Variants in CFAP299 observed in about 807,000 individuals in gnomAD.
The protein encoded by CFAP299 is cilia- and flagella-associated protein 299.
Under a neutral mutation model 27.0 loss-of-function variants are expected in CFAP299, and 21 were observed. The observed-to-expected ratio is 0.78, with a 90% CI of 0.55 to 1.12. CFAP299 has a LOEUF of 1.12. Among genes scored for constraint, CFAP299 ranks in the 50% most tolerant of loss-of-function variants. The pLI is 0.00. For synonymous variants in CFAP299, 104 were observed against 98.1 expected, an observed-to-expected ratio of 1.06 and a Z score of -0.36; for missense variants, 310 against 276.6, an observed-to-expected ratio of 1.12 and a Z score of -0.86.
intron 2 of CFAP299, among the ~76,000 whole-genome samples, chr4:80,398,873 CA>C (rs1357261449): frequency 1.3e-5 from 2 of 152,000 alleles, no homozygotes; most frequent in African/African-American, 4.8e-5. Context: ...TTCTGCACAG[CA>C]AAAGAAACTA....
intron 2 of CFAP299, among the ~76,000 whole-genome samples, chr4:80,553,814 T>C (rs1246038691): frequency 2.0e-5 from 3 of 152,138 alleles, no homozygotes; most frequent in African/African-American, 7.2e-5. Context: ...GAAAAGTGTC[T>C]TCATGTCATT....
At chr4:80,378,637 C>G (rs1724543992) in intron 2 of CFAP299, among the ~76,000 whole-genome samples, 1 of 151,960 alleles carries the variant, frequency 6.6e-6, no homozygotes, top group Admixed American at 6.6e-5. Flanking sequence ...TAAATTCTGT[C>G]AGATGATATT....
chr4:80,907,740 C>T (rs904760117), intron 4 of CFAP299, among the ~76,000 whole-genome samples: 4 of 152,116 alleles, frequency 2.6e-5, no homozygotes, highest in Non-Finnish European at 5.9e-5. Flanking sequence ...CTATCGGGTC[C>T]CTCTCACAAC....
chr4:80,798,517 G>A (rs1236410365), intron 3 of CFAP299, among the ~76,000 whole-genome samples: 1 of 152,070 alleles, frequency 6.6e-6, no homozygotes, highest in African/African-American at 2.4e-5. Context: ...TTTAACAGCA[G>A]ACACCTGGTG....
chr4:80,930,055 TTTG>T (rs1736534678), intron 4 of CFAP299, among the ~76,000 whole-genome samples: 2 of 152,154 alleles, frequency 1.3e-5, no homozygotes, highest in Admixed American at 1.3e-4. Flanking sequence ...CAAAGCTTGA[TTTG>T]TTGGGATTTT....
At chr4:80,433,638 T>A (rs1296299136) in intron 2 of CFAP299, among the ~76,000 whole-genome samples, 1 of 152,156 alleles carries the variant, frequency 6.6e-6, no homozygotes, top group Admixed American at 6.5e-5. Flanking sequence ...TAATTTTTTT[T>A]GCTAAAATCT....
At chr4:80,490,564 G>A (rs1296444624) in intron 2 of CFAP299, among the ~76,000 whole-genome samples, 1 of 152,146 alleles carries the variant, frequency 6.6e-6, no homozygotes, top group Non-Finnish European at 1.5e-5. Flanking sequence ...GTGAATAAAT[G>A]CTGAACCAAT....
chr4:80,645,838 G>A (rs1208223748), intron 3 of CFAP299, among the ~76,000 whole-genome samples: 1 of 152,094 alleles, frequency 6.6e-6, no homozygotes, highest in East Asian at 1.9e-4. Flanking sequence ...AAGGTCAAGG[G>A]CTTATTGCAC....
Position 80,656,986 on chromosome 4 carries a change from G to A in CFAP299, c.333+73803G>A, listed in dbSNP as rs558309855. On this transcript the variant is annotated intron_variant, in intron 3 of 5. Transcript: ENST00000358105. ...TTTCTCTAGTGACCTGTGATGATGA[G>A]CTTTTTTTCATATGTTTGTTGGCCA... Among the ~76,000 whole-genome samples the A allele has an allele frequency of 2.6e-3, 397 of 152,190 alleles. 2 individuals are homozygous for A. Among genetic ancestry groups the A allele is most frequent in the Non-Finnish European group, 4.4e-3 (296 of 68,004 alleles).
At chr4:80,485,201 C>G (rs1730746244) in intron 2 of CFAP299, among the ~76,000 whole-genome samples, 2 of 150,974 alleles carry the variant, frequency 1.3e-5, no homozygotes, top group East Asian at 1.9e-4. Context: ...GCCCTTAGCT[C>G]TAACTACAAT....
chr4:80,839,632 T>G (rs1730755864), intron 3 of CFAP299, among the ~76,000 whole-genome samples: 1 of 152,080 alleles, frequency 6.6e-6, no homozygotes, highest in Non-Finnish European at 1.5e-5. Flanking sequence ...AGAAAATAAT[T>G]CACTTTAAAA....
intron 3 of CFAP299, among the ~76,000 whole-genome samples, chr4:80,806,245 C>T (rs1328130899): frequency 6.6e-6 from 1 of 152,148 alleles, no homozygotes; most frequent in East Asian, 1.9e-4. Context: ...CCATAATTCT[C>T]CATATTTTAC....
At position 80,799,821 on chromosome 4, in the gene CFAP299, T is replaced by A. The variant is rs867617463; in HGVS notation, c.334-70172T>A. 1.4e-3 allele frequency among the ~76,000 whole-genome samples: 31 copies of A among 22,544 alleles called. 2 individuals are homozygous for A. In the African/African-American group the frequency reaches 0.017, roughly 12 times the overall value. The allele number at this position is 22,544 out of a possible 152,430, so 14.8% of individuals were successfully genotyped here. A position where few individuals can be genotyped will look rare whatever the true frequency, so the allele number is the denominator to read the frequency against. ...TTATATAATATATAAATATATATAT[T>A]ATATATATTTATATATTATATTATA... is the stretch of plus-strand genomic sequence containing the variant. On this transcript the variant is annotated intron_variant, in intron 3 of 5. Coordinates refer to ENST00000358105, the MANE Select transcript of CFAP299 (RefSeq NM_152770.3).
At chr4:80,830,775 AG>A (rs1730258015) in intron 3 of CFAP299, among the ~76,000 whole-genome samples, 1 of 152,110 alleles carries the variant, frequency 6.6e-6, no homozygotes, top group Non-Finnish European at 1.5e-5. Context: ...AGTGGCAACA[AG>A]AATGGATACA....
chr4:80,493,167 A>G (rs1290213005), intron 2 of CFAP299, among the ~76,000 whole-genome samples: 2 of 152,240 alleles, frequency 1.3e-5, no homozygotes, highest in African/African-American at 4.8e-5. Flanking sequence ...TTAACTGCAC[A>G]TATTATGCAT....
At chr4:80,954,407 A>G (rs531458773) in intron 5 of CFAP299, among the ~76,000 whole-genome samples, 3 of 152,218 alleles carry the variant, frequency 2.0e-5, no homozygotes, top group Non-Finnish European at 4.4e-5. Flanking sequence ...TTTTATTAGA[A>G]TATGGAATAC....
chr4:80,421,395 C>T (rs1727279104), intron 2 of CFAP299, among the ~76,000 whole-genome samples: 1 of 152,132 alleles, frequency 6.6e-6, no homozygotes, highest in Non-Finnish European at 1.5e-5. Flanking sequence ...GATTTTAAAC[C>T]AGTTAAATAC....
At chr4:80,942,353 C>A (rs1367983131) in intron 4 of CFAP299, among the ~76,000 whole-genome samples, 1 of 152,074 alleles carries the variant, frequency 6.6e-6, no homozygotes, top group Non-Finnish European at 1.5e-5. Flanking sequence ...ATTTTCCTGT[C>A]AGTTCTACAT....
intron 3 of CFAP299, among the ~76,000 whole-genome samples, chr4:80,659,538 G>A (rs1420012405): frequency 6.6e-6 from 1 of 151,954 alleles, no homozygotes; most frequent in Non-Finnish European, 1.5e-5. Context: ...AATAAAAGAT[G>A]CTCAATCTAA....
Sources: gnomAD v4.1 joint callset for allele counts (sites outside exome capture counted in the v4.1 genomes callset) on GRCh38, gnomAD v4.1.1 for gene constraint, MANE v1.5 for transcripts, NCBI Gene and HGNC (gene_info 2026-07-23, HGNC 2026-07-21) for gene names.